Variants in EML6 observed in about 807,000 individuals in gnomAD.
EML6 encodes the protein EMAP like 6, also known as echinoderm microtubule-associated protein-like 6.
Under a neutral mutation model 240.1 loss-of-function variants are expected in EML6, and 154 were observed. That is an observed-to-expected ratio of 0.64 (90% CI 0.56 to 0.73). The LOEUF is 0.73. Among genes scored for constraint, EML6 ranks in the 30% least tolerant of loss-of-function variants. The probability of loss-of-function intolerance (pLI) is 0.00; values close to 1 mark genes in which losing one functional copy is unlikely to be tolerated. For synonymous variants in EML6, 1,148 were observed against 899.0 expected (o/e 1.28, Z -4.95); for missense variants, 2,964 against 2,474.6 (o/e 1.20, Z -4.20).
intron 36 of EML6, among the ~76,000 whole-genome samples, chr2:54,963,682 G>A (rs1207948653): frequency 1.3e-5 from 2 of 152,224 alleles, no homozygotes; most frequent in Non-Finnish European, 2.9e-5. Context: ...TTGTGCTACA[G>A]TGGCAAAGGT....
At position 54,844,250 on chromosome 2, in the gene EML6, T is replaced by A. The variant is rs1306624162; in HGVS notation, c.1049+2T>A. 6.4e-7 allele frequency: 1 copy of A among 1,551,064 alleles called. No homozygotes were observed. Among genetic ancestry groups the A allele is most frequent in the Admixed American group, 2.0e-5 (1 of 50,998 alleles). On this transcript the variant is annotated splice_donor_variant, in intron 8 of 41. Coordinates refer to ENST00000356458, the MANE Select transcript of EML6 (RefSeq NM_001039753.4). LOFTEE classifies it high-confidence loss of function. ...AGGCAGCGATGACCGCTCTGTCAGGTGAGGCCCTACCGCCGTCACCTCTCT... is the reference window on the plus strand; with the variant it reads ...AGGCAGCGATGACCGCTCTGTCAGGAGAGGCCCTACCGCCGTCACCTCTCT...
chr2:54,966,914 G>A (rs1676773596), intron 38 of EML6, 86 bp from the exon 39 acceptor site: 2 of 828,896 alleles, frequency 2.4e-6, no homozygotes, highest in Non-Finnish European at 3.9e-6. Context: ...GCAGAGGCTG[G>A]GCAGTGTTCT....
chr2:54,850,340 G>A (rs1167236842), intron 10 of EML6, 122 bp downstream of exon 10: 35 of 838,808 alleles, frequency 4.2e-5, no homozygotes, highest in South Asian at 5.8e-5. Context: ...GGTTTTTGCC[G>A]GAAAGCACCC....
Position 54,952,691 on chromosome 2 carries a change from A to G in EML6, c.4311A>G (p.Ile1437Met). ...KYRNVVATSQ[I>M]GTTPSIHIWD... ...GAAACGTGGTGGCCACCAGCCAGAT[A>G]GGTAGGAGGTCCTGTGGCAGCTGAG... The change falls in exon 31 of 42, where the codon ATA becomes ATG. Residue 1437 changes from isoleucine (I) to methionine (M), a missense_variant and splice_region_variant. Ile to Met is a conservative substitution (Grantham distance 10). Coordinates refer to ENST00000356458, the MANE Select transcript of EML6 (RefSeq NM_001039753.4). The G allele has an allele frequency of 6.5e-7, 1 of 1,548,370 alleles. No homozygotes were observed. Among genetic ancestry groups the G allele is most frequent in the Non-Finnish European group, 8.7e-7 (1 of 1,144,250 alleles).
chr2:54,784,985 AG>A (rs1245179493), intron 2 of EML6, among the ~76,000 whole-genome samples: 2 of 152,154 alleles, frequency 1.3e-5, no homozygotes, highest in Non-Finnish European at 2.9e-5. Context: ...GCAAATCTCA[AG>A]CAATTCACCA....
chr2:54,748,575 C>A (rs1684020560), intron 2 of EML6, among the ~76,000 whole-genome samples: 1 of 151,706 alleles, frequency 6.6e-6, no homozygotes, highest in African/African-American at 2.4e-5. Flanking sequence ...TATTGGGGGG[C>A]AGGGAACAGG....
chr2:54,922,588 C>A (rs191942284), intron 26 of EML6, among the ~76,000 whole-genome samples: 1 of 152,302 alleles, frequency 6.6e-6, no homozygotes, highest in East Asian at 1.9e-4. Flanking sequence ...GATATCTACA[C>A]CACCATGTTC....
chr2:54,942,971 C>G (rs1286084312), intron 28 of EML6, among the ~76,000 whole-genome samples: 1 of 152,172 alleles, frequency 6.6e-6, no homozygotes, highest in African/African-American at 2.4e-5. Flanking sequence ...CTACCACCTG[C>G]CTCTCCACTC....
intron 12 of EML6, 32 bp downstream of exon 12, chr2:54,859,733 T>G (rs1670576991): frequency 6.6e-7 from 1 of 1,505,394 alleles, no homozygotes; most frequent in Non-Finnish European, 8.9e-7. Flanking sequence ...TAACATCATT[T>G]TATTTTTCAA....
chr2:54,803,455 G>T (rs1380640520), intron 2 of EML6, among the ~76,000 whole-genome samples: 1 of 152,108 alleles, frequency 6.6e-6, no homozygotes, highest in African/African-American at 2.4e-5. Flanking sequence ...CCTTCGTCAA[G>T]CCACCCTAGA....
chr2:54,845,564 G>A (rs146483328), intron 8 of EML6, among the ~76,000 whole-genome samples: 5 of 152,288 alleles, frequency 3.3e-5, no homozygotes, highest in African/African-American at 1.2e-4. Flanking sequence ...ATAATTTCTT[G>A]AGAAAGATGA....
At position 54,841,189 on chromosome 2, in the gene EML6, T is replaced by C. The variant is rs563666692; in HGVS notation, c.848-2858T>C. On this transcript the variant is annotated intron_variant, in intron 7 of 41. Transcript: ENST00000356458. ...GCCCTGTCAGCTTGCAATGACATCCTGACTGCTTTCACCATACATCTGTCC... is the reference window on the plus strand; with the variant it reads ...GCCCTGTCAGCTTGCAATGACATCCCGACTGCTTTCACCATACATCTGTCC... Among the ~76,000 whole-genome samples, 3 of 152,378 alleles carry C rather than the reference T, an allele frequency of 2.0e-5. No individual in the cohort carries two copies. In the South Asian group the frequency reaches 6.2e-4, roughly 32 times the overall value.
intron 8 of EML6, among the ~76,000 whole-genome samples, chr2:54,845,895 C>A (rs1669724710): frequency 6.6e-6 from 1 of 152,154 alleles, no homozygotes; most frequent in Admixed American, 6.5e-5. Context: ...CTCAGTCTCC[C>A]AGACACTAGT....
At chr2:54,959,823 C>T (rs1676412513) in intron 34 of EML6, among the ~76,000 whole-genome samples, 1 of 152,090 alleles carries the variant, frequency 6.6e-6, no homozygotes. Context: ...ACCACAGTGA[C>T]TTTGCTGTTG....
intron 36 of EML6, 36 bp from the exon 37 acceptor site, chr2:54,963,950 C>G: frequency 6.6e-7 from 1 of 1,526,336 alleles, no homozygotes; most frequent in South Asian, 1.3e-5. Context: ...CTGAGGGGGC[C>G]AAGAGCTCAG....
At chr2:54,880,611 G>A (rs1261671088) in intron 17 of EML6, 1 of 152,170 alleles carries the variant, frequency 6.6e-6, no homozygotes, top group Non-Finnish European at 1.5e-5. Context: ...GACTGCTGTT[G>A]AGATTGAATT....
intron 2 of EML6, among the ~76,000 whole-genome samples, chr2:54,754,193 C>A (rs1684303775): frequency 6.6e-6 from 1 of 151,614 alleles, no homozygotes; most frequent in Non-Finnish European, 1.5e-5. Flanking sequence ...CCCAAGCTGG[C>A]CTCAAACTCC....
intron 26 of EML6, among the ~76,000 whole-genome samples, chr2:54,927,385 T>C (rs1454094021): frequency 6.6e-6 from 1 of 152,200 alleles, no homozygotes; most frequent in Non-Finnish European, 1.5e-5. Flanking sequence ...CACTTGTAAA[T>C]TACTTAATAA....
intron 26 of EML6, among the ~76,000 whole-genome samples, chr2:54,922,746 A>G (rs941775443): frequency 6.6e-6 from 1 of 152,132 alleles, no homozygotes; most frequent in Non-Finnish European, 1.5e-5. Flanking sequence ...GTCATTTGCA[A>G]TAATGTGGAT....
Sources: allele counts gnomAD v4.1 joint callset (sites outside exome capture counted in the v4.1 genomes callset), GRCh38; gene constraint gnomAD v4.1.1; transcripts MANE v1.5; gene names NCBI Gene and HGNC (gene_info 2026-07-23, HGNC 2026-07-21).